ARNT2: variants seen among roughly 807,000 people sequenced by gnomAD.
ARNT2 encodes ARNT protein 2.
Under a neutral mutation model 91.7 loss-of-function variants are expected in ARNT2, and 36 were observed. That is an observed-to-expected ratio of 0.39 (90% CI 0.30 to 0.52). The LOEUF (loss-of-function observed/expected upper bound fraction) is 0.52, where lower values mean the gene tolerates loss of function less well. Ranked by LOEUF, ARNT2 falls within the 20% of genes least tolerant of loss-of-function variation. The probability of loss-of-function intolerance (pLI) is 0.72; values close to 1 mark genes in which losing one functional copy is unlikely to be tolerated. For missense variants in ARNT2, 775 were observed against 939.3 expected (o/e 0.83, Z 2.29); for synonymous variants, 365 against 347.1 (o/e 1.05, Z -0.57).
At chr15:80,585,594 T>C (rs74027861) in intron 17 of ARNT2, among the ~76,000 whole-genome samples, 182 of 152,274 alleles carry the variant, frequency 1.2e-3, no homozygotes, top group African/African-American at 4.2e-3. Context: ...GGTAACACAC[T>C]GTGGATGCTC....
At position 80,508,269 on chromosome 15, in the gene ARNT2, G is replaced by C; in HGVS notation, c.725+11G>C. 1 of 1,613,694 alleles carries C rather than the reference G, an allele frequency of 6.2e-7. No individual in the cohort carries two copies. Among genetic ancestry groups the C allele is most frequent in the Non-Finnish European group, 8.5e-7 (1 of 1,179,738 alleles). The stretch of plus-strand genomic sequence containing the variant: ...CATCTGCAGGATGAGGTCTGTTTTG[G>C]GGGAGCAGCAGGCCATCAGGTGGTT... On this transcript the variant is annotated intron_variant, in intron 6 of 18. Coordinates refer to ENST00000303329, the MANE Select transcript of ARNT2 (RefSeq NM_014862.4).
chr15:80,469,597 A>G (rs950833093), intron 3 of ARNT2, among the ~76,000 whole-genome samples: 1 of 151,788 alleles, frequency 6.6e-6, no homozygotes, highest in Non-Finnish European at 1.5e-5. Flanking sequence ...TGAGGCAGAC[A>G]GTAACCACAT....
chr15:80,483,353 C>A (rs1489156811), intron 5 of ARNT2, among the ~76,000 whole-genome samples: 1 of 152,232 alleles, frequency 6.6e-6, no homozygotes, highest in African/African-American at 2.4e-5. Context: ...CATCCTTTGG[C>A]ATCTGGGACT....
In ARNT2 at chr15:80,563,239, A is replaced by G. The variant is rs1283348264; in HGVS notation, c.1316A>G (p.Lys439Arg). 1.2e-6 allele frequency: 2 copies of G among 1,614,142 alleles called. No homozygotes were observed. The highest frequency in any genetic ancestry group is 2.2e-5 in the East Asian group (1 of 44,880). Residue 439 changes from lysine to arginine, a missense_variant and splice_region_variant, in exon 12 of 19, where the codon AAG (lysine) becomes AGG (arginine). Transcript: ENST00000303329. Reference sequence around the variant, plus strand: ...ATCATCTGCACCAACACCAACGTCAAGTACGTACACTGCCATTTCCCTCTC... The same window carrying G: ...ATCATCTGCACCAACACCAACGTCAGGTACGTACACTGCCATTTCCCTCTC... ...EYIICTNTNV[K>R]QLQQQQAELE...
At chr15:80,452,651 C>A (rs994627076) in intron 2 of ARNT2, among the ~76,000 whole-genome samples, 10 of 152,222 alleles carry the variant, frequency 6.6e-5, no homozygotes, top group Non-Finnish European at 1.3e-4. Flanking sequence ...AAGAGGCCAG[C>A]ACAGGGCTCT....
chr15:80,435,136 ACAGC>A (rs751306881), intron 1 of ARNT2, among the ~76,000 whole-genome samples: 1 of 152,094 alleles, frequency 6.6e-6, no homozygotes, highest in Non-Finnish European at 1.5e-5. Flanking sequence ...GATACAGCCA[ACAGC>A]CAGCACTGCC....
At chr15:80,412,247 G>A (rs1895692612) in intron 1 of ARNT2, among the ~76,000 whole-genome samples, 1 of 152,158 alleles carries the variant, frequency 6.6e-6, no homozygotes, top group Non-Finnish European at 1.5e-5. Flanking sequence ...TTTGTACATT[G>A]TATGAAAACA....
rs565393549 is a variant in ARNT2, at chr15:80,428,640, A to G, written c.32-22240A>G. 2.6e-5 allele frequency among the ~76,000 whole-genome samples: 4 copies of G among 152,358 alleles called. No homozygotes were observed. In the South Asian group the frequency reaches 8.3e-4, roughly 32 times the overall value. ...AGCCAGTCTTCCAAGTCCTTGGCAC[A>G]GGAGTTTTTGGAGCAGACTTTTTCA... On this transcript the variant is annotated intron_variant, in intron 1 of 18. Coordinates refer to ENST00000303329, the MANE Select transcript of ARNT2 (RefSeq NM_014862.4).
chr15:80,570,382 T>G (rs546207681), intron 12 of ARNT2, among the ~76,000 whole-genome samples: 1 of 152,294 alleles, frequency 6.6e-6, no homozygotes, highest in East Asian at 1.9e-4. Flanking sequence ...ATTGACAAAG[T>G]GCTGGCCATC....
chr15:80,434,278 G>T (rs1290839066), intron 1 of ARNT2: 3 of 152,158 alleles, frequency 2.0e-5, no homozygotes, highest in African/African-American at 7.2e-5. Context: ...TCATTTTGGG[G>T]TATTGTTGAC....
chr15:80,551,696 C>T (rs149538410), intron 9 of ARNT2, among the ~76,000 whole-genome samples: 178 of 152,302 alleles, frequency 1.2e-3, no homozygotes, highest in Non-Finnish European at 1.9e-3. Flanking sequence ...CCCACCTCTA[C>T]GGGTGTTCAC....
At chr15:80,538,217 G>T (rs1027808461) in intron 8 of ARNT2, among the ~76,000 whole-genome samples, 1 of 152,148 alleles carries the variant, frequency 6.6e-6, no homozygotes, top group Non-Finnish European at 1.5e-5. Context: ...TACCTTTAAT[G>T]TACTTTTTTC....
intron 6 of ARNT2, among the ~76,000 whole-genome samples, chr15:80,509,867 G>A (rs539067132): frequency 6.6e-6 from 1 of 152,222 alleles, no homozygotes; most frequent in Non-Finnish European, 1.5e-5. Context: ...GGGGTACGGT[G>A]CAGGAGGAAT....
At chr15:80,424,313 A>G (rs1473280743) in intron 1 of ARNT2, among the ~76,000 whole-genome samples, 4 of 152,322 alleles carry the variant, frequency 2.6e-5, no homozygotes, top group East Asian at 3.9e-4. Context: ...ATAGATGTCT[A>G]TGCCTCGTTG....
intron 12 of ARNT2, among the ~76,000 whole-genome samples, chr15:80,572,698 C>T (rs963625347): frequency 7.9e-5 from 12 of 152,120 alleles, no homozygotes; most frequent in Admixed American, 1.3e-4. Context: ...AGACAGTGGA[C>T]GTAAACAAAG....
At chr15:80,526,132 C>G (rs1018059487) in intron 8 of ARNT2, among the ~76,000 whole-genome samples, 1 of 152,210 alleles carries the variant, frequency 6.6e-6, no homozygotes, top group Non-Finnish European at 1.5e-5. Context: ...CTCATACATT[C>G]CAGAAGCCCT....
At chr15:80,521,043 G>A (rs1310337533) in intron 8 of ARNT2, among the ~76,000 whole-genome samples, 1 of 152,034 alleles carries the variant, frequency 6.6e-6, no homozygotes, top group East Asian at 1.9e-4. Flanking sequence ...ACAAATCCTA[G>A]AAAATGTAAC....
chr15:80,408,679 G>C (rs1895639038), intron 1 of ARNT2, among the ~76,000 whole-genome samples: 1 of 152,142 alleles, frequency 6.6e-6, no homozygotes, highest in Non-Finnish European at 1.5e-5. Flanking sequence ...TGGACATACA[G>C]TTGAGCCCAA....
intron 17 of ARNT2, among the ~76,000 whole-genome samples, chr15:80,587,695 C>G (rs1266311114): frequency 6.6e-6 from 1 of 152,182 alleles, no homozygotes; most frequent in East Asian, 1.9e-4. Context: ...GTGTTATCAG[C>G]CCATAACACA....
Sources: gnomAD v4.1 joint callset for allele counts (sites outside exome capture counted in the v4.1 genomes callset) on GRCh38, gnomAD v4.1.1 for gene constraint, MANE v1.5 for transcripts, NCBI Gene and HGNC (gene_info 2026-07-23, HGNC 2026-07-21) for gene names.